The following DMKN variants were observed in gnomAD, a reference collection of about 807,000 sequenced individuals.
The protein encoded by DMKN is epidermis-specific secreted protein SK30/SK89.
Under a neutral mutation model 67.6 loss-of-function variants are expected in DMKN, and 58 were observed. The observed-to-expected ratio is 0.86, with a 90% CI of 0.69 to 1.07. DMKN has a LOEUF of 1.07. DMKN is among the 50% of genes least tolerant of loss of function. The pLI, the probability that DMKN is intolerant of heterozygous loss-of-function variation, is 0.00. For synonymous variants in DMKN, 240 were observed against 232.3 expected (o/e 1.03, Z -0.30); for missense variants, 596 against 601.5 (o/e 0.99, Z 0.10).
Position 35,502,884 on chromosome 19 carries a change from G to A in DMKN, c.1137C>T (p.Asn379=). The change falls in exon 10 of 16, where the codon AAC becomes AAT. Residue 379 remains asparagine (N), a splice_region_variant and synonymous_variant. Coordinates refer to ENST00000339686, the MANE Select transcript of DMKN (RefSeq NM_033317.5). ...GFINWDAINK[N]QVPPPSTRAL... Reference sequence around the variant, plus strand: ...CTCGGGTGCTGGGGGGCGGGACCTGGTTCTGTGGATGAAAGGCGGGGAGCA... The same window carrying A: ...CTCGGGTGCTGGGGGGCGGGACCTGATTCTGTGGATGAAAGGCGGGGAGCA... The A allele has an allele frequency of 1.9e-6, 3 of 1,613,960 alleles. No homozygotes were observed. Among genetic ancestry groups the A allele is most frequent in the Non-Finnish European group, 2.5e-6 (3 of 1,179,932 alleles).
intron 11 of DMKN, among the ~76,000 whole-genome samples, chr19:35,501,577 G>A: frequency 6.6e-6 from 1 of 152,146 alleles, no homozygotes; most frequent in East Asian, 1.9e-4. Flanking sequence ...GTGCCCACGG[G>A]TCCTGTTTCT....
intron 7 of DMKN, chr19:35,508,177 T>TTA: frequency 6.4e-7 from 1 of 1,551,958 alleles, no homozygotes; most frequent in Non-Finnish European, 8.7e-7. Context: ...CGGCACAGTC[T>TTA]CTGACCCCAC....
intron 6 of DMKN, 37 bp from the exon 7 acceptor site, chr19:35,509,998 C>A (rs762374043): frequency 1.2e-6 from 2 of 1,612,208 alleles, no homozygotes; most frequent in Admixed American, 3.3e-5. Flanking sequence ...TCCCTCAGTC[C>A]CCTCCCAGAC....
chr19:35,502,207 T>G (rs778771760), intron 10 of DMKN, 24 bp from the exon 11 acceptor site: 1 of 1,613,508 alleles, frequency 6.2e-7, no homozygotes, highest in Admixed American at 1.7e-5. Context: ...GAGGGCAGAG[T>G]GGGCCGGGGA....
intron 13 of DMKN, 138 bp downstream of exon 13, chr19:35,499,820 G>A (rs1262346955): frequency 3.6e-6 from 3 of 830,176 alleles, no homozygotes; most frequent in Admixed American, 5.0e-5. Flanking sequence ...CCTTGCAAAG[G>A]GGTGGGGAGG....
rs1253496692 is a variant in DMKN at position 35,512,601 on chromosome 19, T to C, written c.616A>G (p.Thr206Ala). 6.2e-7 allele frequency: 1 copy of C among 1,614,134 alleles called. No individual in the cohort carries two copies. Among genetic ancestry groups the C allele is most frequent in the Admixed American group, 1.7e-5 (1 of 60,016 alleles). ...GGGGGTGACTTTACCTGAGTGTTGG[T>C]CCCAAAGTTTGGTGGCCCTCCATTG... ...GGNGGPPNFG[T>A]NTQGAVAQPG... The change falls in exon 2 of 16, where the codon ACC becomes GCC. Residue 206 changes from threonine (T) to alanine (A), a missense_variant. Coordinates refer to ENST00000339686, the MANE Select transcript of DMKN (RefSeq NM_033317.5).
intron 9 of DMKN, chr19:35,503,512 G>T: frequency 6.6e-7 from 1 of 1,525,470 alleles, no homozygotes; most frequent in Non-Finnish European, 8.8e-7. Context: ...GTCTCGCTCT[G>T]TCGCCCAGGC....
chr19:35,500,625 G>T, intron 11 of DMKN, 45 bp from the exon 12 acceptor site: 1 of 1,569,054 alleles, frequency 6.4e-7, no homozygotes, highest in African/African-American at 1.3e-5. Flanking sequence ...GCAGTCGTGC[G>T]GGCATTGCCG....
At chr19:35,500,894 C>G (rs1244476772) in intron 11 of DMKN, among the ~76,000 whole-genome samples, 2 of 152,206 alleles carry the variant, frequency 1.3e-5, no homozygotes, top group Non-Finnish European at 2.9e-5. Context: ...CAGACGCAGG[C>G]ACTGCAGCCC....
In DMKN at chr19:35,507,409, C is replaced by CTGA. The variant is rs1158221363; in HGVS notation, c.1039-1424_1039-1423insTCA. 5 of 1,509,508 alleles carry CTGA rather than the reference C, an allele frequency of 3.3e-6. No individual in the cohort carries two copies. In the African/African-American group the frequency reaches 6.9e-5, roughly 21 times the overall value. 93.5% of individuals were successfully genotyped at this position (1,509,508 alleles called of 1,614,324 possible). On this transcript the variant is annotated intron_variant, in intron 7 of 15. Transcript: ENST00000339686. ...TTTCTTTTCCCAGGATCTTAGCATG[C>CTGA]TTCACCATCCCTTCTCCTAAAGCCA... is the stretch of plus-strand genomic sequence containing the variant.
At chr19:35,506,386 A>T in intron 7 of DMKN, 2 of 633,414 alleles carry the variant, frequency 3.2e-6, no homozygotes, top group South Asian at 3.6e-5. Context: ...GCTCCCATGG[A>T]ACCCCACCCA....
intron 9 of DMKN, 30 bp from the exon 10 acceptor site, chr19:35,502,916 C>T (rs371583115): frequency 6.2e-7 from 1 of 1,608,660 alleles, no homozygotes; most frequent in African/African-American, 1.3e-5. Context: ...AGCAGGTTAG[C>T]AGAGAGCCTG....
chr19:35,504,573 G>A (rs1446563072), intron 9 of DMKN, among the ~76,000 whole-genome samples: 23 of 113,470 alleles, frequency 2.0e-4, no homozygotes, highest in African/African-American at 7.8e-4. Flanking sequence ...GCGAGACTCC[G>A]TCTCACCAAA....
intron 14 of DMKN, 37 bp downstream of exon 14, chr19:35,498,837 C>G (rs1259637791): frequency 6.2e-7 from 1 of 1,614,184 alleles, no homozygotes; most frequent in Non-Finnish European, 8.5e-7. Flanking sequence ...GGCCCCTTCT[C>G]TCTCCAGCCA....
At chr19:35,507,196 C>T (rs2069723607) in intron 7 of DMKN, 2 of 383,150 alleles carry the variant, frequency 5.2e-6, no homozygotes, top group African/African-American at 4.1e-5. Flanking sequence ...ATCCCCTTGA[C>T]CATTCTTCTG....
chr19:35,502,863 G>T lies in DMKN; in HGVS notation c.1158C>A (p.Thr386=). The T allele has an allele frequency of 6.2e-7, 1 of 1,614,058 alleles. No homozygotes were observed. The change falls in exon 10 of 16, where the codon ACC becomes ACA. Residue 386 remains threonine (T), a synonymous_variant. Coordinates refer to ENST00000339686, the MANE Select transcript of DMKN (RefSeq NM_033317.5). ...INKNQVPPPS[T]RALLYFSRLW... Reference sequence around the variant, plus strand: ...GTCGGCTGAAGTAGAGGAGGGCTCGGGTGCTGGGGGGCGGGACCTGGTTCT... The same window carrying T: ...GTCGGCTGAAGTAGAGGAGGGCTCGTGTGCTGGGGGGCGGGACCTGGTTCT...
chr19:35,507,823 A>G, intron 7 of DMKN: 1 of 438,414 alleles, frequency 2.3e-6, no homozygotes, highest in Non-Finnish European at 4.1e-6. Context: ...CTTTGCCAGC[A>G]AAGCATCCGA....
At chr19:35,511,015 G>A (rs543033971) in intron 5 of DMKN, among the ~76,000 whole-genome samples, 38 of 152,258 alleles carry the variant, frequency 2.5e-4, no homozygotes, top group Non-Finnish European at 4.3e-4. Flanking sequence ...CCGGATCACA[G>A]TCCTGCCCCC....
In DMKN at chr19:35,499,950, G is replaced by C. The variant is rs367782281; in HGVS notation, c.1359+8C>G. 5.9e-5 allele frequency: 96 copies of C among 1,613,768 alleles called. No homozygotes were observed. The highest frequency in any genetic ancestry group is 3.4e-4 in the South Asian group (31 of 91,072). ...CCAGCGGGAAGACAGGGTGGTTGCC[G>C]GTCTCACCTTTGCAGGGGTCTTGAC... On this transcript the variant is annotated splice_region_variant and intron_variant, in intron 13 of 15. Coordinates refer to ENST00000339686, the MANE Select transcript of DMKN (RefSeq NM_033317.5).
Sources: allele counts gnomAD v4.1 joint callset (sites outside exome capture counted in the v4.1 genomes callset), GRCh38; gene constraint gnomAD v4.1.1; transcripts MANE v1.5; gene names NCBI Gene and HGNC (gene_info 2026-07-23, HGNC 2026-07-21).